The following PPFIBP1 variants were observed in gnomAD, a reference collection of about 807,000 sequenced individuals.
The protein encoded by PPFIBP1 is PPFIB scaffold protein 1.
PPFIBP1 carries 112 observed loss-of-function variants against 137.8 expected under a neutral mutation model. The observed-to-expected ratio is 0.81, with a 90% CI of 0.70 to 0.95. The LOEUF (loss-of-function observed/expected upper bound fraction) is 0.95. Among genes scored for constraint, PPFIBP1 ranks in the 40% least tolerant of loss-of-function variants. The probability of loss-of-function intolerance (pLI) is 0.00; values close to 1 mark genes in which losing one functional copy is unlikely to be tolerated. For synonymous variants in PPFIBP1, 378 were observed against 417.3 expected (o/e 0.91, Z 1.15); for missense variants, 1,083 against 1,196.6 (o/e 0.91, Z 1.40).
chr12:27,599,766 A>G (rs1446802657), intron 2 of PPFIBP1, among the ~76,000 whole-genome samples: 3 of 152,228 alleles, frequency 2.0e-5, no homozygotes, highest in East Asian at 1.9e-4. Context: ...TATAATCTCA[A>G]TCATGAGAAA....
chr12:27,641,844 G>C (rs966562750), intron 4 of PPFIBP1, among the ~76,000 whole-genome samples: 2 of 152,066 alleles, frequency 1.3e-5, no homozygotes, highest in South Asian at 2.1e-4. Flanking sequence ...GACAATGATC[G>C]GGATATAAAC....
chr12:27,530,917 G>A (rs937387477), intron 1 of PPFIBP1, among the ~76,000 whole-genome samples: 1 of 152,194 alleles, frequency 6.6e-6, no homozygotes, highest in African/African-American at 2.4e-5. Context: ...GTTAGAAGGA[G>A]GCTGAGAAGC....
At chr12:27,683,065 T>G (rs1370521752) in intron 24 of PPFIBP1, among the ~76,000 whole-genome samples, 2 of 152,270 alleles carry the variant, frequency 1.3e-5, no homozygotes, top group South Asian at 2.1e-4. Flanking sequence ...AAAGATTTTT[T>G]TTGTATTATT....
chr12:27,538,858 A>G (rs1945342411), intron 1 of PPFIBP1, among the ~76,000 whole-genome samples: 1 of 152,208 alleles, frequency 6.6e-6, no homozygotes, highest in African/African-American at 2.4e-5. Context: ...GTAATACTGT[A>G]TACTTTTGTA....
At chr12:27,652,665 T>C (rs2058943790) in intron 7 of PPFIBP1, among the ~76,000 whole-genome samples, 2 of 152,210 alleles carry the variant, frequency 1.3e-5, no homozygotes, top group Non-Finnish European at 2.9e-5. Flanking sequence ...TATCCCAGTT[T>C]ACAATTCCAT....
intron 18 of PPFIBP1, 57 bp downstream of exon 18, chr12:27,676,656 T>A: frequency 7.4e-7 from 1 of 1,349,864 alleles, no homozygotes; most frequent in Non-Finnish European, 1.0e-6. Flanking sequence ...AAAAGAGCAG[T>A]GTCTTCCCTT....
chr12:27,561,485 G>T (rs1312257799), intron 1 of PPFIBP1, among the ~76,000 whole-genome samples: 1 of 152,162 alleles, frequency 6.6e-6, no homozygotes, highest in Non-Finnish European at 1.5e-5. Flanking sequence ...GGGTCTCTCT[G>T]TAGGTGTTTT....
chr12:27,533,087 C>T (rs1465402410), intron 1 of PPFIBP1, among the ~76,000 whole-genome samples: 3 of 152,068 alleles, frequency 2.0e-5, no homozygotes, highest in Non-Finnish European at 2.9e-5. Context: ...GATCATTGTG[C>T]ACTCATGGGC....
At chr12:27,604,845 G>T (rs549948312) in intron 2 of PPFIBP1, among the ~76,000 whole-genome samples, 1 of 152,326 alleles carries the variant, frequency 6.6e-6, no homozygotes, top group East Asian at 1.9e-4. Flanking sequence ...GTTCCATGTG[G>T]CTGGGGAGGC....
At chr12:27,584,613 TGTGTG>T (rs2051500065) in intron 2 of PPFIBP1, among the ~76,000 whole-genome samples, 1 of 152,230 alleles carries the variant, frequency 6.6e-6, no homozygotes, top group African/African-American at 2.4e-5. Context: ...CCAGTCCCAC[TGTGTG>T]GTTCATGTAG....
chr12:27,660,952 A>G lies in PPFIBP1; in HGVS notation c.906+7A>G. 6.2e-7 allele frequency: 1 copy of G among 1,612,604 alleles called. No individual in the cohort carries two copies. The highest frequency in any genetic ancestry group is 8.5e-7 in the Non-Finnish European group (1 of 1,179,528). ...GGCAGCAAATGAAGAAAAGGTATCCAGATGAAATTTAAATATACGTGTGGA... is the reference window on the plus strand; with the variant it reads ...GGCAGCAAATGAAGAAAAGGTATCCGGATGAAATTTAAATATACGTGTGGA... On this transcript the variant is annotated splice_region_variant and intron_variant, in intron 11 of 29. Coordinates refer to ENST00000228425, the MANE Select transcript of PPFIBP1 (RefSeq NM_003622.4).
At chr12:27,602,949 GGCTATT>G (rs1330951254) in intron 2 of PPFIBP1, among the ~76,000 whole-genome samples, 1 of 152,124 alleles carries the variant, frequency 6.6e-6, no homozygotes, top group Non-Finnish European at 1.5e-5. Flanking sequence ...GCTGTGGCCA[GGCTATT>G]GCATGATGGA....
intron 2 of PPFIBP1, among the ~76,000 whole-genome samples, chr12:27,603,890 AT>A (rs2054250786): frequency 1.3e-5 from 2 of 152,162 alleles, no homozygotes; most frequent in Admixed American, 6.5e-5. Flanking sequence ...GGTGGGAAGA[AT>A]TTTGCACAAA....
intron 4 of PPFIBP1, among the ~76,000 whole-genome samples, chr12:27,645,728 T>G (rs1310616002): frequency 2.0e-5 from 3 of 152,118 alleles, no homozygotes; most frequent in Non-Finnish European, 4.4e-5. Flanking sequence ...CAACTCGGGG[T>G]GCCCCCTACA....
At chr12:27,603,444 C>T (rs1345905899) in intron 2 of PPFIBP1, among the ~76,000 whole-genome samples, 1 of 152,166 alleles carries the variant, frequency 6.6e-6, no homozygotes, top group African/African-American at 2.4e-5. Flanking sequence ...TCTAAAATGT[C>T]AGACATAGAC....
At chr12:27,613,023 T>G (rs1451322172) in intron 2 of PPFIBP1, among the ~76,000 whole-genome samples, 1 of 152,150 alleles carries the variant, frequency 6.6e-6, no homozygotes, top group Non-Finnish European at 1.5e-5. Context: ...CATGAGCTAT[T>G]GATTGTATCT....
intron 1 of PPFIBP1, among the ~76,000 whole-genome samples, chr12:27,546,185 G>A (rs780040137): frequency 2.0e-5 from 3 of 152,142 alleles, no homozygotes; most frequent in Non-Finnish European, 4.4e-5. Flanking sequence ...GATAAGTTGC[G>A]AATTGGCAGA....
At position 27,665,847 on chromosome 12, in the gene PPFIBP1, A is replaced by G. The variant is rs2059824518; in HGVS notation, c.992-1319A>G. Among the ~76,000 whole-genome samples the G allele has an allele frequency of 1.3e-5, 2 of 152,210 alleles. 1 individual carries two copies. Among genetic ancestry groups the G allele is most frequent in the South Asian group, 4.1e-4 (2 of 4,834 alleles). On this transcript the variant is annotated intron_variant, in intron 12 of 29. Coordinates refer to ENST00000228425, the MANE Select transcript of PPFIBP1 (RefSeq NM_003622.4). The stretch of plus-strand genomic sequence containing the variant: ...AGGTCTGGCATAATCGATTTTATAA[A>G]TATCTGAGTGAGCAAATGAACCTCT...
intron 2 of PPFIBP1, chr12:27,593,859 A>G: frequency 1.4e-6 from 2 of 1,428,694 alleles, no homozygotes; most frequent in Non-Finnish European, 1.9e-6. Context: ...TCAGTCCCCC[A>G]TGCCCCTTGG....
Sources: allele counts gnomAD v4.1 joint callset (sites outside exome capture counted in the v4.1 genomes callset), GRCh38; gene constraint gnomAD v4.1.1; transcripts MANE v1.5; gene names NCBI Gene and HGNC (gene_info 2026-07-23, HGNC 2026-07-21).